Variants in HSP90AA1 observed in about 807,000 individuals in gnomAD.
The protein encoded by HSP90AA1 is heat shock protein HSP 90-alpha.
A neutral mutation model predicts 73.3 loss-of-function variants in HSP90AA1; 18 were observed. The observed-to-expected ratio is 0.25, with a 90% confidence interval of 0.17 to 0.36. The LOEUF (loss-of-function observed/expected upper bound fraction) is 0.36. Ranked by LOEUF, HSP90AA1 falls within the 10% of genes least tolerant of loss-of-function variation. HSP90AA1 has a pLI of 1.00. For synonymous variants in HSP90AA1, 477 were observed against 296.9 expected (o/e 1.61, Z -6.24); for missense variants, 704 against 874.2 (o/e 0.81, Z 2.45).
At chr14:102,110,372 G>C (rs2049623615) in intron 1 of HSP90AA1, among the ~76,000 whole-genome samples, 1 of 151,774 alleles carries the variant, frequency 6.6e-6, no homozygotes, top group Admixed American at 6.6e-5. Flanking sequence ...GCATTCAAGA[G>C]GTGGCTTGGG....
intron 2 of HSP90AA1, among the ~76,000 whole-genome samples, chr14:102,098,287 G>A (rs1029686237): frequency 5.3e-5 from 8 of 150,952 alleles, no homozygotes; most frequent in Admixed American, 4.6e-4. Context: ...TCAGCCTCCC[G>A]AGTAGCTGGG....
At chr14:102,120,400 T>G (rs112721909) in intron 1 of HSP90AA1, among the ~76,000 whole-genome samples, 2 of 152,134 alleles carry the variant, frequency 1.3e-5, no homozygotes, top group African/African-American at 4.8e-5. Flanking sequence ...ATGGGAGTCA[T>G]TTACATTTAA....
chr14:102,088,223 A>AG (rs2049296102), upstream of HSP90AA1, among the ~76,000 whole-genome samples: 1 of 152,108 alleles, frequency 6.6e-6, no homozygotes, highest in Admixed American at 6.5e-5. Flanking sequence ...ATTTTGGCCA[A>AG]GGCCAGCTGT....
chr14:102,083,017 A>T lies in HSP90AA1; in HGVS notation c.1755+17T>A. The T allele has an allele frequency of 6.2e-7, 1 of 1,610,938 alleles. No homozygotes were observed. The highest frequency in any genetic ancestry group is 2.2e-5 in the East Asian group (1 of 44,874). ...CCTTAGAAGTATCAATGATCAGGAA[A>T]TGCTGTATTCACATACCTTTTCAAC... On this transcript the variant is annotated intron_variant, in intron 9 of 10. Transcript: ENST00000216281.
At chr14:102,138,087 A>C (rs1464680043) in intron 1 of HSP90AA1, among the ~76,000 whole-genome samples, 2 of 152,142 alleles carry the variant, frequency 1.3e-5, no homozygotes, top group Non-Finnish European at 2.9e-5. Context: ...ATTATAATAA[A>C]ATGTTGAATT....
intron 2 of HSP90AA1, among the ~76,000 whole-genome samples, chr14:102,101,703 G>A (rs2049495357): frequency 6.6e-6 from 1 of 152,246 alleles, no homozygotes; most frequent in Non-Finnish European, 1.5e-5. Context: ...GCCTGGGCCT[G>A]TAGTGGACCC....
chr14:102,088,957 A>G (rs1340153474), upstream of HSP90AA1, among the ~76,000 whole-genome samples: 1 of 148,778 alleles, frequency 6.7e-6, no homozygotes, highest in Non-Finnish European at 1.5e-5. Flanking sequence ...CCCAGGCTCG[A>G]GGGCAATGGC....
At chr14:102,115,158 G>A (rs955415974) in intron 1 of HSP90AA1, among the ~76,000 whole-genome samples, 3 of 151,768 alleles carry the variant, frequency 2.0e-5, no homozygotes, top group Non-Finnish European at 4.4e-5. Flanking sequence ...AATTAGCTGG[G>A]TGTGGTGGTG....
intron 1 of HSP90AA1, among the ~76,000 whole-genome samples, chr14:102,130,501 T>A (rs142083617): frequency 2.0e-5 from 3 of 152,332 alleles, no homozygotes; most frequent in Non-Finnish European, 4.4e-5. Flanking sequence ...AAGTGACATC[T>A]CCTTGTGGTT....
chr14:102,113,300 A>C (rs933893901), intron 1 of HSP90AA1, among the ~76,000 whole-genome samples: 2 of 152,020 alleles, frequency 1.3e-5, no homozygotes, highest in African/African-American at 4.8e-5. Flanking sequence ...CTGGGATTAC[A>C]GGTGTGAGCC....
chr14:102,084,092 G>A (rs2049162438), intron 6 of HSP90AA1, 109 bp from the exon 7 acceptor site: 6 of 906,374 alleles, frequency 6.6e-6, no homozygotes, highest in Non-Finnish European at 8.9e-6. Context: ...GTATTTTTGA[G>A]ACAGTCTCAC....
upstream of HSP90AA1, among the ~76,000 whole-genome samples, chr14:102,088,463 A>G (rs1296985537): frequency 6.6e-6 from 1 of 152,202 alleles, no homozygotes; most frequent in Non-Finnish European, 1.5e-5. Flanking sequence ...GGGTTTTCAG[A>G]CTGCGGCCTG....
intron 1 of HSP90AA1, among the ~76,000 whole-genome samples, chr14:102,118,121 A>T (rs74083742): frequency 1.3e-5 from 2 of 152,200 alleles, no homozygotes; most frequent in Non-Finnish European, 2.9e-5. Context: ...CTGGAGGCAT[A>T]GGATCCAGGC....
At chr14:102,082,037 A>C (rs562929873) in intron 10 of HSP90AA1, 74 bp downstream of exon 10, 1 of 1,080,694 alleles carries the variant, frequency 9.3e-7, no homozygotes. Context: ...AGTTTGGATA[A>C]CTGAAAGTTC....
chr14:102,130,246 G>A (rs1181659623), intron 1 of HSP90AA1, among the ~76,000 whole-genome samples: 2 of 152,150 alleles, frequency 1.3e-5, no homozygotes, highest in African/African-American at 4.8e-5. Context: ...TGGGATTACA[G>A]ACATGAGCCA....
chr14:102,122,786 G>A (rs1359410247), intron 1 of HSP90AA1, among the ~76,000 whole-genome samples: 2 of 151,728 alleles, frequency 1.3e-5, no homozygotes, highest in African/African-American at 2.4e-5. Flanking sequence ...TCCTGTTTCA[G>A]CCTCCCGAGT....
chr14:102,134,333 A>G (rs191164390), intron 1 of HSP90AA1, among the ~76,000 whole-genome samples: 3,172 of 148,004 alleles, frequency 0.021, 50 homozygotes, highest in Non-Finnish European at 0.036. Flanking sequence ...AAAAAAAAAA[A>G]AAAAAAAAAA....
chr14:102,101,456 C>T (rs2049492163), intron 2 of HSP90AA1, among the ~76,000 whole-genome samples: 1 of 152,220 alleles, frequency 6.6e-6, no homozygotes, highest in African/African-American at 2.4e-5. Flanking sequence ...ACTCCAAACC[C>T]CACTGCCCGC....
At chr14:102,096,455 G>A (rs1359446114) in intron 2 of HSP90AA1, among the ~76,000 whole-genome samples, 2 of 152,098 alleles carry the variant, frequency 1.3e-5, no homozygotes, top group African/African-American at 2.4e-5. Context: ...GTCTGCCCCC[G>A]ATCATCTCTT....
Sources: gnomAD v4.1 joint callset for allele counts (sites outside exome capture counted in the v4.1 genomes callset) on GRCh38, gnomAD v4.1.1 for gene constraint, MANE v1.5 for transcripts, NCBI Gene and HGNC (gene_info 2026-07-23, HGNC 2026-07-21) for gene names.